The following FAM169A variants were observed in gnomAD, a reference collection of about 807,000 sequenced individuals.
The protein encoded by FAM169A is soluble lamin-associated protein of 75 kDa.
Under a neutral mutation model 75.7 loss-of-function variants are expected in FAM169A, and 24 were observed. The ratio of observed to expected loss-of-function variants is 0.32; its 90% CI spans 0.23 to 0.45. The LOEUF (loss-of-function observed/expected upper bound fraction) is 0.45, where lower values mean the gene tolerates loss of function less well. Among genes scored for constraint, FAM169A ranks in the 20% least tolerant of loss-of-function variants. FAM169A has a pLI of 1.00. For missense variants in FAM169A, 673 were observed against 784.0 expected, an observed-to-expected ratio of 0.86 and a Z score of 1.69; for synonymous variants, 271 against 271.0, an observed-to-expected ratio of 1.00 and a Z score of 0.00.
intron 1 of FAM169A, among the ~76,000 whole-genome samples, chr5:74,860,875 T>C (rs889349546): frequency 1.3e-5 from 2 of 148,698 alleles, no homozygotes; most frequent in Non-Finnish European, 3.0e-5. Context: ...CAGTGGCTCA[T>C]GCCTGCAATC....
intron 1 of FAM169A, among the ~76,000 whole-genome samples, chr5:74,853,701 A>ATTTT (rs34017579): frequency 1.3e-4 from 14 of 110,184 alleles, no homozygotes; most frequent in Admixed American, 2.1e-4. Context: ...CATCTTCAGA[A>ATTTT]TTTTTTTTTT....
chr5:74,783,941 C>T (rs1745537849), intron 11 of FAM169A, among the ~76,000 whole-genome samples: 1 of 151,908 alleles, frequency 6.6e-6, no homozygotes. Context: ...GAAATTTTTC[C>T]AAAAGAGAAA....
At chr5:74,813,284 C>A (rs1458493169) in intron 6 of FAM169A, among the ~76,000 whole-genome samples, 4 of 151,832 alleles carry the variant, frequency 2.6e-5, no homozygotes, top group African/African-American at 9.7e-5. Context: ...GAATTGTACA[C>A]TTTTAACAGG....
chr5:74,860,827 TAAAAAAAAAAAA>T (rs11293001), intron 1 of FAM169A, among the ~76,000 whole-genome samples: 8 of 71,658 alleles, frequency 1.1e-4, no homozygotes, highest in African/African-American at 3.7e-4. Flanking sequence ...AATGTAGCAC[TAAAAAAAAAAAA>T]AAAAAAAAAA....
intron 5 of FAM169A, 93 bp downstream of exon 5, chr5:74,834,333 A>C: frequency 8.4e-5 from 56 of 664,702 alleles, no homozygotes; most frequent in South Asian, 1.8e-4. Flanking sequence ...TTTGCATGCT[A>C]GAGATTAATT....
chr5:74,829,982 A>T (rs1748229914), intron 5 of FAM169A, among the ~76,000 whole-genome samples: 2 of 152,198 alleles, frequency 1.3e-5, no homozygotes, highest in Non-Finnish European at 2.9e-5. Flanking sequence ...TCTCAAAAAA[A>T]AAGAAATATG....
At chr5:74,856,760 T>C (rs1749726974) in intron 1 of FAM169A, among the ~76,000 whole-genome samples, 1 of 150,542 alleles carries the variant, frequency 6.6e-6, no homozygotes, top group Non-Finnish European at 1.5e-5. Flanking sequence ...ACATTTTTCA[T>C]GGATCAGACA....
At chr5:74,839,270 G>A (rs1229493363) in intron 3 of FAM169A, among the ~76,000 whole-genome samples, 2 of 152,018 alleles carry the variant, frequency 1.3e-5, no homozygotes, top group African/African-American at 4.8e-5. Context: ...ATCTTGAACT[G>A]TAATCCCCAC....
intron 6 of FAM169A, among the ~76,000 whole-genome samples, chr5:74,811,527 CTG>C (rs2112567969): frequency 6.6e-6 from 1 of 152,252 alleles, no homozygotes; most frequent in African/African-American, 2.4e-5. Context: ...TACTTGGTTC[CTG>C]TTTTCTGGAT....
chr5:74,801,128 C>T (rs1440605365), intron 9 of FAM169A, 98 bp from the exon 10 acceptor site: 2 of 897,338 alleles, frequency 2.2e-6, no homozygotes, highest in Non-Finnish European at 3.2e-6. Context: ...CTAGTTTACA[C>T]ATATCCTCCA....
At chr5:74,865,309 C>A (rs907501849) in intron 1 of FAM169A, 1 of 152,298 alleles carries the variant, frequency 6.6e-6, no homozygotes, top group South Asian at 2.1e-4. Context: ...CGGTCCCAAT[C>A]CCCCAAAAAC....
At chr5:74,821,188 TATAAA>T (rs1747749173) in intron 5 of FAM169A, among the ~76,000 whole-genome samples, 1 of 152,232 alleles carries the variant, frequency 6.6e-6, no homozygotes, top group South Asian at 2.1e-4. Context: ...GGACAGAGCT[TATAAA>T]ATATCTATGA....
intron 1 of FAM169A, among the ~76,000 whole-genome samples, chr5:74,844,084 A>G (rs1749022265): frequency 6.6e-6 from 1 of 152,250 alleles, no homozygotes; most frequent in Non-Finnish European, 1.5e-5. Flanking sequence ...TAAGATGGAA[A>G]GAAAATATAA....
intron 5 of FAM169A, among the ~76,000 whole-genome samples, chr5:74,833,726 A>G (rs527356418): frequency 1.3e-5 from 2 of 152,306 alleles, no homozygotes; most frequent in Admixed American, 6.5e-5. Flanking sequence ...AAAACAAGGC[A>G]GACTTTGTTC....
chr5:74,850,461 G>A (rs1004550498), intron 1 of FAM169A, among the ~76,000 whole-genome samples: 5 of 152,174 alleles, frequency 3.3e-5, no homozygotes, highest in Middle Eastern at 6.3e-3. Flanking sequence ...AAGATACTGC[G>A]TATTTGGTAT....
upstream of FAM169A, chr5:74,866,579 C>T (rs1047746300): frequency 4.2e-5 from 23 of 550,558 alleles, no homozygotes; most frequent in Non-Finnish European, 5.3e-5. Context: ...CGGCCCCCGC[C>T]TCGCCACCCG....
rs963154921 is a variant in FAM169A at position 74,780,239 on chromosome 5, T to C, written c.*1221A>G. The C allele has an allele frequency of 2.0e-5, 3 of 152,252 alleles. No individual in the cohort carries two copies. The highest frequency in any genetic ancestry group is 7.2e-5 in the African/African-American group (3 of 41,466). 9.4% of individuals were successfully genotyped at this position (152,252 alleles called of 1,614,324 possible). A position where few individuals can be genotyped will look rare whatever the true frequency, so the allele number is the denominator to read the frequency against. ...AGGATGATTGAAGCCTCCAATATGA[T>C]TGAAGCCCTTGTAACCACAGCTCCC... On this transcript the variant is annotated 3_prime_UTR_variant, in exon 13 of 13. Coordinates refer to ENST00000687041, the MANE Select transcript of FAM169A (RefSeq NM_001376049.1).
At chr5:74,815,581 G>C (rs1458931273) in intron 5 of FAM169A, among the ~76,000 whole-genome samples, 2 of 152,150 alleles carry the variant, frequency 1.3e-5, no homozygotes, top group Non-Finnish European at 2.9e-5. Flanking sequence ...AGAGGCGTTT[G>C]AACTAGCACA....
At chr5:74,854,276 T>C (rs1444772813) in intron 1 of FAM169A, among the ~76,000 whole-genome samples, 1 of 151,984 alleles carries the variant, frequency 6.6e-6, no homozygotes, top group Non-Finnish European at 1.5e-5. Context: ...ATGCCTGTAG[T>C]CTTAACTACT....
Sources: allele counts gnomAD v4.1 joint callset (sites outside exome capture counted in the v4.1 genomes callset), GRCh38; gene constraint gnomAD v4.1.1; transcripts MANE v1.5; gene names NCBI Gene and HGNC (gene_info 2026-07-23, HGNC 2026-07-21).